The following XPO4 variants were observed in gnomAD, a reference collection of about 807,000 sequenced individuals.
XPO4 encodes exportin 4.
XPO4 carries 39 observed loss-of-function variants against 143.0 expected under a neutral mutation model. The ratio of observed to expected loss-of-function variants is 0.27; its 90% CI spans 0.21 to 0.36. The LOEUF (loss-of-function observed/expected upper bound fraction) is 0.36. Among genes scored for constraint, XPO4 ranks in the 10% least tolerant of loss-of-function variants. The pLI is 1.00. For synonymous variants in XPO4, 439 were observed against 474.0 expected (o/e 0.93, Z 0.96); for missense variants, 907 against 1,348.0 (o/e 0.67, Z 5.12).
intron 4 of XPO4, chr13:20,848,752 A>G (rs959391853): frequency 1.0e-6 from 1 of 985,298 alleles, no homozygotes; most frequent in Admixed American, 6.2e-5. Flanking sequence ...CTATGTTAAC[A>G]TAACAGAAGT....
At chr13:20,806,117 A>G (rs1167413191) in intron 13 of XPO4, among the ~76,000 whole-genome samples, 1 of 152,216 alleles carries the variant, frequency 6.6e-6, no homozygotes, top group Non-Finnish European at 1.5e-5. Flanking sequence ...ACTGCTTTTT[A>G]AATTAACATT....
intron 4 of XPO4, among the ~76,000 whole-genome samples, chr13:20,853,336 CA>C (rs56312143): frequency 6.4e-4 from 65 of 101,918 alleles, no homozygotes; most frequent in Middle Eastern, 5.2e-3. Flanking sequence ...GACCCTGTCT[CA>C]AAAAAAAAAA....
intron 1 of XPO4, among the ~76,000 whole-genome samples, chr13:20,877,569 C>A (rs994412108): frequency 6.6e-6 from 1 of 152,048 alleles, no homozygotes; most frequent in Non-Finnish European, 1.5e-5. Flanking sequence ...AACAGAAAAA[C>A]AGAAGAATTG....
In XPO4 at chr13:20,902,594, G is replaced by A; in HGVS notation, c.69+76C>T. The A allele has an allele frequency of 2.8e-6, 4 of 1,436,744 alleles. No homozygotes were observed. The African/African-American group carries it at 4.4e-5, about 16-fold the overall frequency. 89.0% of individuals were successfully genotyped at this position (1,436,744 alleles called of 1,614,324 possible). ...GGCCCTTGCCAGTCGCCAGCCCAGCGAGCAGCAAGGCCTGGAGTGGCAGGG... is the reference window on the plus strand; with the variant it reads ...GGCCCTTGCCAGTCGCCAGCCCAGCAAGCAGCAAGGCCTGGAGTGGCAGGG... On this transcript the variant is annotated intron_variant, in intron 1 of 22. Coordinates refer to ENST00000255305, the MANE Select transcript of XPO4 (RefSeq NM_022459.5).
intron 1 of XPO4, among the ~76,000 whole-genome samples, chr13:20,901,830 A>C (rs1304569527): frequency 6.6e-6 from 1 of 152,238 alleles, no homozygotes; most frequent in Admixed American, 6.5e-5. Flanking sequence ...CAAAACATCT[A>C]CAAACACCGA....
chr13:20,823,623 AT>A (rs913940876), intron 7 of XPO4, among the ~76,000 whole-genome samples: 20 of 149,110 alleles, frequency 1.3e-4, no homozygotes, highest in African/African-American at 4.9e-4. Flanking sequence ...TAAAAATAAT[AT>A]TTTGTGACCT....
chr13:20,871,190 T>C (rs2138139766), intron 1 of XPO4, among the ~76,000 whole-genome samples: 1 of 152,328 alleles, frequency 6.6e-6, no homozygotes, highest in South Asian at 2.1e-4. Context: ...TGCTTTGTTT[T>C]GTTTTCCTGA....
chr13:20,882,109 CAAAAAAAAA>C (rs35404161), intron 1 of XPO4, among the ~76,000 whole-genome samples: 1 of 93,376 alleles, frequency 1.1e-5, no homozygotes, highest in African/African-American at 4.7e-5. Flanking sequence ...GACTCGGTCT[CAAAAAAAAA>C]AAAAAAAAAG....
chr13:20,829,563 A>G (rs1392490984), intron 6 of XPO4, among the ~76,000 whole-genome samples: 1 of 152,210 alleles, frequency 6.6e-6, no homozygotes, highest in Non-Finnish European at 1.5e-5. Flanking sequence ...TTCAGGTGCT[A>G]TAACTGCAAG....
intron 13 of XPO4, 126 bp from the exon 14 acceptor site, chr13:20,801,116 C>A (rs1991802056): frequency 9.7e-7 from 1 of 1,026,486 alleles, no homozygotes; most frequent in South Asian, 1.5e-5. Flanking sequence ...TATACTTGAA[C>A]ATTTCATCTA....
chr13:20,873,000 C>A (rs1399798159), intron 1 of XPO4, among the ~76,000 whole-genome samples: 1 of 149,914 alleles, frequency 6.7e-6, no homozygotes, highest in Non-Finnish European at 1.5e-5. Context: ...ACAGTAAAAG[C>A]TTAAAAAGGC....
In XPO4 at chr13:20,855,650, T is replaced by C. The variant is rs1054845801; in HGVS notation, c.433A>G (p.Ile145Val). 5.0e-6 allele frequency: 8 copies of C among 1,609,676 alleles called. No homozygotes were observed. The highest frequency in any genetic ancestry group is 6.8e-6 in the Non-Finnish European group (8 of 1,179,056). ...ACCACAGTGGGATTGCCACTACTAA[T>C]CAACTGGCTGACTTCATGAAAAATG... is the stretch of plus-strand genomic sequence containing the variant. ...KSIFHEVSQL[I>V]SSGNPTVQTL... is the part of the protein sequence containing the mutation. The change falls in exon 4 of 23, where the codon ATT (isoleucine) becomes GTT (valine). Residue 145 changes from isoleucine (I) to valine (V), a missense_variant. Transcript: ENST00000255305.
At chr13:20,807,086 G>C (rs1045781881) in intron 13 of XPO4, among the ~76,000 whole-genome samples, 4 of 151,994 alleles carry the variant, frequency 2.6e-5, no homozygotes, top group African/African-American at 4.8e-5. Flanking sequence ...TAGCTTTTAT[G>C]AACGATACTT....
chr13:20,859,086 C>T (rs1415701119), intron 3 of XPO4, among the ~76,000 whole-genome samples: 1 of 151,674 alleles, frequency 6.6e-6, no homozygotes, highest in East Asian at 1.9e-4. Flanking sequence ...AATCCCAGCC[C>T]TTTGGGGTAC....
At chr13:20,860,710 G>A (rs1414743121) in intron 3 of XPO4, among the ~76,000 whole-genome samples, 5 of 152,028 alleles carry the variant, frequency 3.3e-5, no homozygotes, top group Non-Finnish European at 5.9e-5. Flanking sequence ...CATCCAAATG[G>A]ACCCACCAAA....
chr13:20,835,954 T>C (rs2059911320), intron 6 of XPO4, among the ~76,000 whole-genome samples: 1 of 152,216 alleles, frequency 6.6e-6, no homozygotes, highest in South Asian at 2.1e-4. Context: ...TTCCTTATAA[T>C]TGTCTTAACA....
chr13:20,852,187 G>C, intron 4 of XPO4: 1 of 985,418 alleles, frequency 1.0e-6, no homozygotes, highest in Middle Eastern at 5.2e-4. Flanking sequence ...TAAATAGATA[G>C]ATCTCAGAGT....
intron 1 of XPO4, among the ~76,000 whole-genome samples, chr13:20,889,445 G>A (rs1456165917): frequency 2.0e-5 from 3 of 152,188 alleles, no homozygotes; most frequent in African/African-American, 7.2e-5. Context: ...ATCTGGCAGT[G>A]TATGGAAACA....
chr13:20,827,978 C>T (rs1323362235), intron 6 of XPO4, among the ~76,000 whole-genome samples: 1 of 152,180 alleles, frequency 6.6e-6, no homozygotes, highest in African/African-American at 2.4e-5. Context: ...TGGCTCACGC[C>T]TGTAATCTCC....
Sources: allele counts gnomAD v4.1 joint callset (sites outside exome capture counted in the v4.1 genomes callset), GRCh38; gene constraint gnomAD v4.1.1; transcripts MANE v1.5; gene names NCBI Gene and HGNC (gene_info 2026-07-23, HGNC 2026-07-21).